Variants in NT5C2 observed in about 807,000 individuals in gnomAD.
NT5C2 encodes 5'-nucleotidase, cytosolic II, also known as cytosolic purine 5'-nucleotidase.
Under a neutral mutation model 76.1 loss-of-function variants are expected in NT5C2, and 58 were observed. The ratio of observed to expected loss-of-function variants is 0.76; its 90% CI spans 0.62 to 0.95. The LOEUF (loss-of-function observed/expected upper bound fraction) is 0.95, where lower values mean the gene tolerates loss of function less well. Ranked by LOEUF, NT5C2 falls within the 40% of genes least tolerant of loss-of-function variation. The pLI, the probability that NT5C2 is intolerant of heterozygous loss-of-function variation, is 0.00. For synonymous variants in NT5C2, 229 were observed against 237.4 expected (o/e 0.96, Z 0.32); for missense variants, 478 against 690.3 (o/e 0.69, Z 3.45).
rs749616930 is a variant in NT5C2 at position 103,088,614 on chromosome 10, C to T, written c.*1058G>A. The T allele has an allele frequency of 9.8e-5, 16 of 162,614 alleles. No individual in the cohort carries two copies. The highest frequency in any genetic ancestry group is 1.9e-4 in the Non-Finnish European group (14 of 74,222). The allele number at this position is 162,614 out of a possible 1,614,324, so 10.1% of individuals were successfully genotyped here. A position where few individuals can be genotyped will look rare whatever the true frequency, so the allele number is the denominator to read the frequency against. ...GTTGGTAAGGCTGGTCTCGAACTCC[C>T]GACCTCAGGTGATCCGCCTGTCTCG... On this transcript the variant is annotated 3_prime_UTR_variant, in exon 19 of 19. Coordinates refer to ENST00000404739, the MANE Select transcript of NT5C2 (RefSeq NM_001351169.2).
intron 2 of NT5C2, among the ~76,000 whole-genome samples, chr10:103,176,684 G>C: frequency 6.6e-6 from 1 of 152,050 alleles, no homozygotes; most frequent in Admixed American, 6.6e-5. Context: ...GGCAGAGACC[G>C]GGGCGAGGGG....
intron 3 of NT5C2, among the ~76,000 whole-genome samples, chr10:103,142,316 A>T (rs2080593298): frequency 6.6e-6 from 1 of 152,222 alleles, no homozygotes; most frequent in Non-Finnish European, 1.5e-5. Context: ...GACATAGGAA[A>T]AACTGAACAT....
chr10:103,136,826 A>G (rs2079376109), intron 4 of NT5C2, among the ~76,000 whole-genome samples: 1 of 152,016 alleles, frequency 6.6e-6, no homozygotes, highest in Non-Finnish European at 1.5e-5. Flanking sequence ...GGGTTTCACC[A>G]TGTTGGGCAG....
intron 1 of NT5C2, among the ~76,000 whole-genome samples, chr10:103,189,848 TTAG>T (rs2092474032): frequency 6.6e-6 from 1 of 151,412 alleles, no homozygotes; most frequent in South Asian, 2.1e-4. Flanking sequence ...TTTTATATTT[TTAG>T]TAGAGACGGG....
rs765577647 is a variant in NT5C2 at position 103,105,454 on chromosome 10, A to G, written c.389+252T>C. 6.7e-4 allele frequency: 425 copies of G among 631,148 alleles called. 1 individual carries two copies. Among genetic ancestry groups the G allele is most frequent in the Non-Finnish European group, 9.2e-4 (382 of 413,562 alleles). The allele number at this position is 631,148 out of a possible 1,614,324, so 39.1% of individuals were successfully genotyped here. ...AAAACTACTAAAGTTCTTCTGGGCAAGTTTTAAGATTAGTTTTGTTGTATG... is the reference window on the plus strand; with the variant it reads ...AAAACTACTAAAGTTCTTCTGGGCAGGTTTTAAGATTAGTTTTGTTGTATG... On this transcript the variant is annotated intron_variant, in intron 6 of 18. Coordinates refer to ENST00000404739, the MANE Select transcript of NT5C2 (RefSeq NM_001351169.2).
At chr10:103,172,338 T>C (rs2088372729) in intron 3 of NT5C2, among the ~76,000 whole-genome samples, 1 of 147,820 alleles carries the variant, frequency 6.8e-6, no homozygotes. Context: ...AAGCTCCGCC[T>C]CCTAGGTTCA....
rs267602348 is a variant in NT5C2 at position 103,089,720 on chromosome 10, G to A, written c.1638C>T (p.His546=). ...CTTCATCATCATCTTCGTCATGGCA[G>A]TGTGTAATTTCCTGGGGGGCCAGTG... ...LFPLAPQEIT[H]CHDEDDDEEE... Residue 546 remains histidine (H), a synonymous_variant, in exon 19 of 19, where the codon CAC becomes CAT. Coordinates refer to ENST00000404739, the MANE Select transcript of NT5C2 (RefSeq NM_001351169.2). The A allele has an allele frequency of 1.7e-5, 27 of 1,613,282 alleles. No individual in the cohort carries two copies. Among genetic ancestry groups the A allele is most frequent in the Non-Finnish European group, 2.3e-5 (27 of 1,179,688 alleles).
intron 4 of NT5C2, among the ~76,000 whole-genome samples, chr10:103,114,283 T>TGTGGTGGCGCACACCTGTC (rs1259929560): frequency 6.6e-6 from 1 of 151,790 alleles, no homozygotes; most frequent in Non-Finnish European, 1.5e-5. Flanking sequence ...ATTAGCCGAG[T>TGTGGTGGCGCACACCTGTC]GTGGTGGCGC....
At chr10:103,151,012 C>T (rs894364001) in intron 3 of NT5C2, among the ~76,000 whole-genome samples, 6 of 152,086 alleles carry the variant, frequency 3.9e-5, no homozygotes, top group Non-Finnish European at 8.8e-5. Context: ...ATTCAGTTTA[C>T]CTAAGAAATG....
chr10:103,133,380 A>G (rs11191572), intron 4 of NT5C2, among the ~76,000 whole-genome samples: 47,959 of 151,662 alleles, frequency 0.32, 7,660 homozygotes, highest in Middle Eastern at 0.36. Context: ...TTATTCTCCT[A>G]CCTCCCAAGT....
chr10:103,192,858 G>C (rs1429551713), intron 1 of NT5C2, among the ~76,000 whole-genome samples: 2 of 152,212 alleles, frequency 1.3e-5, no homozygotes, highest in Non-Finnish European at 2.9e-5. Context: ...TACCACCAGC[G>C]TGAGGAAAGG....
chr10:103,157,745 C>A (rs914260140), intron 3 of NT5C2, among the ~76,000 whole-genome samples: 2 of 152,104 alleles, frequency 1.3e-5, no homozygotes, highest in Non-Finnish European at 1.5e-5. Flanking sequence ...ATATGTTCTA[C>A]AACCACAATG....
chr10:103,134,200 G>A (rs867753631), intron 4 of NT5C2, among the ~76,000 whole-genome samples: 3 of 152,136 alleles, frequency 2.0e-5, no homozygotes, highest in African/African-American at 7.2e-5. Flanking sequence ...GCTAATCACC[G>A]AGACAATGGG....
chr10:103,136,513 A>G (rs2079269910), intron 4 of NT5C2, among the ~76,000 whole-genome samples: 1 of 152,230 alleles, frequency 6.6e-6, no homozygotes, highest in Non-Finnish European at 1.5e-5. Flanking sequence ...ATATACACAA[A>G]GTATGTTTGT....
chr10:103,184,263 G>A (rs2091720995), intron 1 of NT5C2, among the ~76,000 whole-genome samples: 1 of 151,274 alleles, frequency 6.6e-6, no homozygotes, highest in Non-Finnish European at 1.5e-5. Flanking sequence ...AAGTTTTTTT[G>A]TTTATTTTTC....
intron 1 of NT5C2, among the ~76,000 whole-genome samples, chr10:103,188,335 G>A (rs1182109673): frequency 1.3e-5 from 2 of 151,996 alleles, no homozygotes; most frequent in Non-Finnish European, 2.9e-5. Context: ...TCCAGCCCAG[G>A]CGACAGTGCA....
chr10:103,098,725 C>T, intron 10 of NT5C2: 1 of 505,784 alleles, frequency 2.0e-6, no homozygotes, highest in Non-Finnish European at 3.5e-6. Flanking sequence ...AAATGAAATA[C>T]TGAGTCTTCT....
chr10:103,162,395 C>A (rs1462421487), intron 3 of NT5C2, among the ~76,000 whole-genome samples: 2 of 152,098 alleles, frequency 1.3e-5, no homozygotes, highest in African/African-American at 4.8e-5. Flanking sequence ...AATTGGCAAA[C>A]AACTTGAAAA....
chr10:103,182,857 T>G (rs2091323252), intron 1 of NT5C2, among the ~76,000 whole-genome samples: 1 of 152,158 alleles, frequency 6.6e-6, no homozygotes, highest in Admixed American at 6.5e-5. Context: ...TAAAGCTATA[T>G]CCTCCATTTG....
Sources: allele counts gnomAD v4.1 joint callset (sites outside exome capture counted in the v4.1 genomes callset), GRCh38; gene constraint gnomAD v4.1.1; transcripts MANE v1.5; gene names NCBI Gene and HGNC (gene_info 2026-07-23, HGNC 2026-07-21).